FMN1: variants seen among roughly 807,000 people sequenced by gnomAD.
FMN1 encodes formin-1.
FMN1 carries 110 observed loss-of-function variants against 132.4 expected under a neutral mutation model. The ratio of observed to expected loss-of-function variants is 0.83; its 90% CI spans 0.71 to 0.97. The LOEUF (loss-of-function observed/expected upper bound fraction) is 0.97, where lower values mean the gene tolerates loss of function less well. FMN1 is among the 50% of genes least tolerant of loss of function. FMN1 has a pLI of 0.00. For synonymous variants in FMN1, 722 were observed against 651.7 expected (o/e 1.11, Z -1.64); for missense variants, 1,792 against 1,705.3 (o/e 1.05, Z -0.90).
intron 9 of FMN1, among the ~76,000 whole-genome samples, chr15:32,943,956 C>A (rs950296241): frequency 2.0e-5 from 3 of 152,084 alleles, no homozygotes; most frequent in African/African-American, 4.8e-5. Context: ...AGGCCTTATG[C>A]ACAGAAAAAA....
intron 17 of FMN1, among the ~76,000 whole-genome samples, chr15:32,807,345 T>C (rs920582427): frequency 6.6e-6 from 1 of 152,212 alleles, no homozygotes; most frequent in Non-Finnish European, 1.5e-5. Flanking sequence ...CCCCCCATAC[T>C]CTTGGCAGGA....
In FMN1 at chr15:32,994,232, T is replaced by TCTCTCTCA. The variant is rs904998781; in HGVS notation, c.2223+13781_2223+13782insTGAGAGAG. Among the ~76,000 whole-genome samples, 30 of 37,262 alleles carry TCTCTCTCA rather than the reference T, an allele frequency of 8.1e-4. No homozygotes were observed. In the South Asian group the frequency reaches 0.016, roughly 20 times the overall value. The allele number at this position is 37,262 out of a possible 152,430, so 24.4% of individuals were successfully genotyped here. On this transcript the variant is annotated intron_variant, in intron 7 of 20. Transcript: ENST00000616417. Reference sequence around the variant, plus strand: ...TCATTCCTCTCTCTCTCTCTCTCTCTCACACACACACACACACAGACACAC... The same window carrying TCTCTCTCA: ...TCATTCCTCTCTCTCTCTCTCTCTCTCTCTCTCACACACACACACACACACAGACACAC...
At chr15:33,183,744 C>T (rs946158469) in intron 2 of FMN1, among the ~76,000 whole-genome samples, 2 of 152,250 alleles carry the variant, frequency 1.3e-5, no homozygotes, top group Admixed American at 1.3e-4. Flanking sequence ...TACTAAATAA[C>T]TTTCAAAATA....
At chr15:32,908,311 C>A in intron 12 of FMN1, 179 bp downstream of exon 12, 1 of 549,444 alleles carries the variant, frequency 1.8e-6, no homozygotes, top group Non-Finnish European at 3.3e-6. Context: ...CAGCACAAAT[C>A]TCAGCGCTGC....
chr15:33,004,877 T>C (rs537837416), intron 7 of FMN1, among the ~76,000 whole-genome samples: 2 of 152,348 alleles, frequency 1.3e-5, no homozygotes, highest in South Asian at 2.1e-4. Context: ...GATGAGTTCA[T>C]GTCCTTTGTA....
In FMN1 at chr15:32,778,155, T is replaced by G. The variant is rs181124949; in HGVS notation, c.4131-1236A>C. The stretch of plus-strand genomic sequence containing the variant: ...ATATTATGTATAATATATAATACAT[T>G]TATTATATATTATATAATACATTTA... On this transcript the variant is annotated intron_variant, in intron 19 of 20. Transcript: ENST00000616417. 9.9e-4 allele frequency among the ~76,000 whole-genome samples: 102 copies of G among 102,900 alleles called. 15 individuals are homozygous for G. The highest frequency in any genetic ancestry group is 4.2e-3 in the African/African-American group (78 of 18,508). 67.5% of individuals were successfully genotyped at this position (102,900 alleles called of 152,430 possible). A position where few individuals can be genotyped will look rare whatever the true frequency, so the allele number is the denominator to read the frequency against.
chr15:32,894,473 G>A lies in FMN1; in HGVS notation c.3714+4361C>T, dbSNP rs555610978. On this transcript the variant is annotated intron_variant, in intron 15 of 20. Coordinates refer to ENST00000616417, the MANE Select transcript of FMN1 (RefSeq NM_001277313.2). ...CACTGCAGCCTGGGTGACAGAGCGA[G>A]ACTCCATCTCAATTAAAAAAAAAAA... 7.4e-5 allele frequency among the ~76,000 whole-genome samples: 11 copies of A among 147,682 alleles called. No homozygotes were observed. In the South Asian group the frequency reaches 2.4e-3, roughly 32 times the overall value.
chr15:32,969,492 A>G lies in FMN1; in HGVS notation c.2224-15T>C, dbSNP rs755395721. ...TCAAACTGTGCCTATAGGAAAATTC[A>G]GAGGGAAAGAAAGTAATGAGTTTAT... On this transcript the variant is annotated splice_polypyrimidine_tract_variant and intron_variant, in intron 7 of 20. Transcript: ENST00000616417. 1.2e-6 allele frequency: 2 copies of G among 1,609,646 alleles called. No individual in the cohort carries two copies. Among genetic ancestry groups the G allele is most frequent in the East Asian group, 4.5e-5 (2 of 44,848 alleles).
chr15:33,084,497 TC>T (rs1227483704), intron 5 of FMN1, among the ~76,000 whole-genome samples: 3 of 152,208 alleles, frequency 2.0e-5, no homozygotes, highest in African/African-American at 7.2e-5. Context: ...TGGCTACAGT[TC>T]CAAGTAGATC....
intron 9 of FMN1, among the ~76,000 whole-genome samples, 171 bp from the exon 10 acceptor site, chr15:32,926,432 T>C (rs943853194): frequency 3.3e-5 from 5 of 152,262 alleles, no homozygotes; most frequent in Non-Finnish European, 7.3e-5. Flanking sequence ...TGCACAATTA[T>C]AGACATCTTA....
chr15:32,845,938 A>C (rs1479103400), intron 17 of FMN1, among the ~76,000 whole-genome samples: 2 of 151,638 alleles, frequency 1.3e-5, no homozygotes, highest in Admixed American at 1.3e-4. Flanking sequence ...ACTAGATATT[A>C]CTATTCCCAT....
intron 3 of FMN1, among the ~76,000 whole-genome samples, chr15:33,169,775 C>A (rs1254169205): frequency 3.5e-5 from 3 of 84,628 alleles, no homozygotes; most frequent in South Asian, 3.5e-4. Flanking sequence ...ATAGCCTTTT[C>A]CAAAAAGTTG....
At chr15:33,033,123 T>C (rs753878334) in intron 6 of FMN1, among the ~76,000 whole-genome samples, 26 of 151,758 alleles carry the variant, frequency 1.7e-4, no homozygotes, top group Non-Finnish European at 2.8e-4. Flanking sequence ...CTCTGCCTCC[T>C]GGGTTCACGC....
Position 32,770,451 on chromosome 15 carries a change from G to A in FMN1, c.*3859C>T, listed in dbSNP as rs1294585479. 1 of 152,172 alleles carries A rather than the reference G, an allele frequency of 6.6e-6. No homozygotes were observed. Among genetic ancestry groups the A allele is most frequent in the Non-Finnish European group, 1.5e-5 (1 of 68,034 alleles). The allele number at this position is 152,172 out of a possible 1,614,324, so 9.4% of individuals were successfully genotyped here. A position where few individuals can be genotyped will look rare whatever the true frequency, so the allele number is the denominator to read the frequency against. ...ATCCCAGGCCAATAAGCAAATCTTT[G>A]CCCAAAATAAACATATTTCTTCTGC... is the stretch of plus-strand genomic sequence containing the variant. On this transcript the variant is annotated 3_prime_UTR_variant, in exon 21 of 21. Coordinates refer to ENST00000616417, the MANE Select transcript of FMN1 (RefSeq NM_001277313.2).
chr15:32,847,862 C>T (rs2058896746), intron 17 of FMN1, among the ~76,000 whole-genome samples: 1 of 151,964 alleles, frequency 6.6e-6, no homozygotes, highest in Non-Finnish European at 1.5e-5. Context: ...CTCAAAAAAA[C>T]AAACAAACAA....
chr15:32,793,712 T>C (rs1257862467), intron 19 of FMN1, among the ~76,000 whole-genome samples: 4 of 152,124 alleles, frequency 2.6e-5, no homozygotes, highest in African/African-American at 4.8e-5. Flanking sequence ...TAGGGGGTGA[T>C]TGTATTATTA....
intron 7 of FMN1, among the ~76,000 whole-genome samples, chr15:33,004,932 G>A (rs192140873): frequency 2.2e-4 from 33 of 152,042 alleles, no homozygotes; most frequent in East Asian, 1.5e-3. Flanking sequence ...GCAAACTATC[G>A]CAAGGACAAA....
At chr15:33,014,234 T>C (rs930516665) in intron 6 of FMN1, among the ~76,000 whole-genome samples, 2 of 152,250 alleles carry the variant, frequency 1.3e-5, no homozygotes, top group Admixed American at 6.5e-5. Flanking sequence ...GAGTCAAAAC[T>C]AAGTTAGTGC....
chr15:32,818,470 T>C (rs567875059), intron 17 of FMN1, among the ~76,000 whole-genome samples: 2 of 152,288 alleles, frequency 1.3e-5, no homozygotes, highest in Non-Finnish European at 2.9e-5. Context: ...TATTACCAAA[T>C]AGAATTAAGG....
Sources: gnomAD v4.1 joint callset for allele counts (sites outside exome capture counted in the v4.1 genomes callset) on GRCh38, gnomAD v4.1.1 for gene constraint, MANE v1.5 for transcripts, NCBI Gene and HGNC (gene_info 2026-07-23, HGNC 2026-07-21) for gene names.